The following ADGRD2 variants were observed in gnomAD, a reference collection of about 807,000 sequenced individuals.
ADGRD2 encodes G protein-coupled receptor PGR24.
Under a neutral mutation model 44.4 loss-of-function variants are expected in ADGRD2, and 71 were observed. The observed-to-expected ratio is 1.60, with a 90% CI of 1.32 to 1.95. The LOEUF is 1.95. ADGRD2 is among the 30% of genes most tolerant of loss of function. The probability of loss-of-function intolerance (pLI) is 0.00; values close to 1 mark genes in which losing one functional copy is unlikely to be tolerated. For synonymous variants in ADGRD2, 481 were observed against 224.8 expected, an observed-to-expected ratio of 2.14 and a Z score of -10.19; for missense variants, 1,039 against 512.4, an observed-to-expected ratio of 2.03 and a Z score of -9.92.
At chr9:124,456,331 C>T (rs1353251818) in intron 6 of ADGRD2, among the ~76,000 whole-genome samples, 1 of 152,248 alleles carries the variant, frequency 6.6e-6, no homozygotes, top group East Asian at 1.9e-4. Flanking sequence ...CACTGAGCCA[C>T]AGCAAAGGGG....
chr9:124,468,452 G>C (rs556221287), intron 13 of ADGRD2, 67 bp from the exon 17 acceptor site: 24 of 714,712 alleles, frequency 3.4e-5, no homozygotes, highest in South Asian at 3.3e-4. Context: ...GCTGGGCATG[G>C]GCCGCGGGGC....
rs114156004 is a variant in ADGRD2, at chr9:124,462,127, G to A, written c.1870+3406G>A. ...GGCTGGAGTACAGTGGTACGAACAC[G>A]GCTCACTGTAGGTTCGACCTCCCTG... is the stretch of plus-strand genomic sequence containing the variant. On this transcript the variant is annotated intron_variant, in intron 10 of 21. Coordinates refer to ENST00000334810, the Ensembl canonical transcript of ADGRD2. 6.6e-3 allele frequency among the ~76,000 whole-genome samples: 996 copies of A among 151,860 alleles called. 14 individuals carry two copies. The highest frequency in any genetic ancestry group is 0.022 in the African/African-American group (920 of 41,396).
Position 124,456,621 on chromosome 9 carries a change from G to A in ADGRD2, c.1394-1G>A. On this transcript the variant is annotated splice_acceptor_variant, in intron 6 of 21. Transcript: ENST00000334810. LOFTEE classifies it high-confidence loss of function. The stretch of plus-strand genomic sequence containing the variant: ...AGAGCTGAGATGCAGCGTCCTCCCA[G>A]GTGATTGGTGGGCCTATGGCCCTGG... The A allele has an allele frequency of 1.4e-6, 1 of 718,188 alleles. No homozygotes were observed. Among genetic ancestry groups the A allele is most frequent in the South Asian group, 1.5e-5 (1 of 67,602 alleles). 44.5% of individuals were successfully genotyped at this position (718,188 alleles called of 1,614,324 possible).
At position 124,457,624 on chromosome 9, in the gene ADGRD2, G is replaced by A. The variant is rs1831642877; in HGVS notation, c.1640+18G>A. 2 of 611,272 alleles carry A rather than the reference G, an allele frequency of 3.3e-6. No homozygotes were observed. The highest frequency in any genetic ancestry group is 1.8e-5 in the African/African-American group (1 of 54,872). The allele number at this position is 611,272 out of a possible 1,614,324, so 37.9% of individuals were successfully genotyped here. A position where few individuals can be genotyped will look rare whatever the true frequency, so the allele number is the denominator to read the frequency against. ...CAGGAAAGGTGGGTGAGGATGAGGG[G>A]GTGTCCAGAGCCCTGTTGGGTTCTG... On this transcript the variant is annotated intron_variant, in intron 8 of 21. Coordinates refer to ENST00000334810, the Ensembl canonical transcript of ADGRD2.
rs529268869 is a variant in ADGRD2, at chr9:124,460,347, C to A, written c.1870+1626C>A. ...CCTCCTGAGTAGCTGGGACTACAGG[C>A]ATGCGCTACCATGTCCAGCTAATTT... On this transcript the variant is annotated intron_variant, in intron 10 of 21. Transcript: ENST00000334810. Among the ~76,000 whole-genome samples the A allele has an allele frequency of 4.0e-5, 6 of 150,594 alleles. No individual in the cohort carries two copies. The Admixed American group carries it at 4.0e-4, about 10-fold the overall frequency.
intron 19 of ADGRD2, 55 bp downstream of exon 22, chr9:124,475,670 C>T (rs1419461014): frequency 1.6e-6 from 1 of 608,148 alleles, no homozygotes; most frequent in Non-Finnish European, 3.0e-6. Context: ...GAGCCAGGTC[C>T]CAGCCCCCAT....
In ADGRD2 at chr9:124,469,419, C is replaced by G. The variant is rs920125049; in HGVS notation, c.2522-13C>G. Reference sequence around the variant, plus strand: ...TGGGGAAGTCCTCTTGCCCACTGACCCCAGGTCTCCAGGCCAACACCTGCA... The same window carrying G: ...TGGGGAAGTCCTCTTGCCCACTGACGCCAGGTCTCCAGGCCAACACCTGCA... On this transcript the variant is annotated splice_polypyrimidine_tract_variant and intron_variant, in intron 15 of 21. Transcript: ENST00000334810. 1.4e-6 allele frequency: 1 copy of G among 718,050 alleles called. No individual in the cohort carries two copies. Among genetic ancestry groups the G allele is most frequent in the African/African-American group, 1.7e-5 (1 of 57,252 alleles). The allele number at this position is 718,050 out of a possible 1,614,324, so 44.5% of individuals were successfully genotyped here.
chr9:124,453,952 C>G (rs1006428392), intron 3 of ADGRD2, 47 bp from the exon 7 acceptor site: 1 of 614,712 alleles, frequency 1.6e-6, no homozygotes, highest in East Asian at 2.8e-5. Flanking sequence ...CGTCCTGGCT[C>G]GCCAGGGTCC....
chr9:124,458,973 G>C (rs1831673281), intron 10 of ADGRD2, among the ~76,000 whole-genome samples: 1 of 152,210 alleles, frequency 6.6e-6, no homozygotes, highest in Admixed American at 6.5e-5. Context: ...CAAAGCTTGG[G>C]AGGGCTGACG....
intron 17 of ADGRD2, among the ~76,000 whole-genome samples, 189 bp downstream of exon 20, chr9:124,470,803 G>A (rs1831932918): frequency 6.6e-6 from 1 of 152,254 alleles, no homozygotes; most frequent in African/African-American, 2.4e-5. Flanking sequence ...CAATCAACCA[G>A]CGGTTCGTGC....
exon 3 of ADGRD2, chr9:124,453,405 G>C (rs759819122): frequency 6.6e-6 from 4 of 604,732 alleles, no homozygotes; most frequent in African/African-American, 2.0e-5. Flanking sequence ...GGGCGCGGGG[G>C]CTGGGCGCCG....
chr9:124,451,285 G>T, upstream of ADGRD2: 1 of 464,048 alleles, frequency 2.2e-6, no homozygotes, highest in Middle Eastern at 6.3e-4. Flanking sequence ...CTGGACCTGA[G>T]CTTCCCCCAC....
intron 16 of ADGRD2, 50 bp from the exon 20 acceptor site, chr9:124,470,444 G>A: frequency 1.4e-6 from 1 of 691,004 alleles, no homozygotes; most frequent in South Asian, 1.5e-5. Flanking sequence ...GCCCTGCGGG[G>A]AGCTCCCCAG....
intron 2 of ADGRD2, 107 bp from the exon 6 acceptor site, chr9:124,452,928 G>A: frequency 1.7e-6 from 1 of 604,790 alleles, no homozygotes; most frequent in Non-Finnish European, 2.9e-6. Flanking sequence ...CCCGAGGTGG[G>A]GAGGCATCCC....
exon 3 of ADGRD2, chr9:124,453,087 G>A: frequency 1.5e-6 from 1 of 689,284 alleles, no homozygotes; most frequent in Non-Finnish European, 2.6e-6. Context: ...CTGACCGGGC[G>A]GCGCGGCTGC....
At position 124,466,420 on chromosome 9, in the gene ADGRD2, G is replaced by T. The variant is rs1215761499; in HGVS notation, c.2026+7G>T. ...GCAAATCTATGAAGTACAGGTGAGT[G>T]CACGGTGGGAGGGGGGTGTCAGGAG... On this transcript the variant is annotated splice_region_variant and intron_variant, in intron 11 of 21. Transcript: ENST00000334810. 1 of 694,410 alleles carries T rather than the reference G, an allele frequency of 1.4e-6. No homozygotes were observed. Among genetic ancestry groups the T allele is most frequent in the Non-Finnish European group, 2.7e-6 (1 of 370,610 alleles). The allele number at this position is 694,410 out of a possible 1,614,324, so 43.0% of individuals were successfully genotyped here.
chr9:124,461,106 T>C (rs1346170743), intron 10 of ADGRD2, among the ~76,000 whole-genome samples: 1 of 152,270 alleles, frequency 6.6e-6, no homozygotes, highest in East Asian at 1.9e-4. Context: ...TCTTCCTTTC[T>C]TAAATGCATC....
At chr9:124,474,179 G>A (rs1588610159) in intron 17 of ADGRD2, among the ~76,000 whole-genome samples, 1 of 149,860 alleles carries the variant, frequency 6.7e-6, no homozygotes, top group Non-Finnish European at 1.5e-5. Flanking sequence ...GGAGGCTGAG[G>A]AAGGAGAATC....
exon 6 of ADGRD2, chr9:124,455,088 G>A (rs1409827488): frequency 1.4e-6 from 1 of 714,160 alleles, no homozygotes; most frequent in Admixed American, 2.0e-5. Context: ...GCCTGGTCCT[G>A]GAGGAGCAGG....
Sources: allele counts gnomAD v4.1 joint callset (sites outside exome capture counted in the v4.1 genomes callset), GRCh38; gene constraint gnomAD v4.1.1; transcripts MANE v1.5; gene names NCBI Gene and HGNC (gene_info 2026-07-23, HGNC 2026-07-21).